Variants in CAST observed in about 807,000 individuals in gnomAD.
The protein encoded by CAST is calpastatin.
In CAST, 76 loss-of-function variants were observed where a neutral mutation model predicts 119.6. That is an observed-to-expected ratio of 0.64 (90% CI 0.53 to 0.77). The LOEUF (loss-of-function observed/expected upper bound fraction) is 0.77. Ranked by LOEUF, CAST falls within the 30% of genes least tolerant of loss-of-function variation. The pLI, the probability that CAST is intolerant of heterozygous loss-of-function variation, is 0.00. For synonymous variants in CAST, 319 were observed against 331.6 expected, an observed-to-expected ratio of 0.96 and a Z score of 0.41; for missense variants, 953 against 946.5, an observed-to-expected ratio of 1.01 and a Z score of -0.09.
At chr5:96,517,832 C>A in the CAST span, among the ~76,000 whole-genome samples, 1 of 152,202 alleles carries the variant, frequency 6.6e-6, no homozygotes, top group Admixed American at 6.5e-5. Flanking sequence ...AGTTCTATAG[C>A]GTTGTGATAC....
At chr5:96,102,688 G>C in the CAST span, among the ~76,000 whole-genome samples, 1 of 147,822 alleles carries the variant, frequency 6.8e-6, no homozygotes, top group Non-Finnish European at 1.5e-5. Flanking sequence ...AACCAGCATT[G>C]TTTATGACTA....
chr5:96,093,716 A>G, the CAST span, among the ~76,000 whole-genome samples: 1 of 152,222 alleles, frequency 6.6e-6, no homozygotes. Flanking sequence ...TATGAGGCCC[A>G]TGGGTATCTA....
At chr5:96,308,221 G>A in the CAST span, among the ~76,000 whole-genome samples, 1 of 151,262 alleles carries the variant, frequency 6.6e-6, no homozygotes, top group African/African-American at 2.4e-5. Flanking sequence ...ATCTCTGATA[G>A]CCTTTCTTCT....
chr5:96,152,134 G>C, the CAST span, among the ~76,000 whole-genome samples: 5 of 152,170 alleles, frequency 3.3e-5, no homozygotes, highest in African/African-American at 1.2e-4. Context: ...CTTGTTGGAA[G>C]CATGCCATGC....
chr5:96,508,297 C>T, the CAST span, among the ~76,000 whole-genome samples: 1 of 152,168 alleles, frequency 6.6e-6, no homozygotes, highest in East Asian at 1.9e-4. Context: ...AGGCAACGTC[C>T]TTGTTTCCCT....
chr5:96,465,097 A>G, the CAST span, among the ~76,000 whole-genome samples: 2 of 152,056 alleles, frequency 1.3e-5, no homozygotes, highest in Non-Finnish European at 2.9e-5. Flanking sequence ...AAATTTGTAT[A>G]ATCATCTCTG....
the CAST span, among the ~76,000 whole-genome samples, chr5:96,505,555 T>A: frequency 6.6e-6 from 1 of 152,226 alleles, no homozygotes; most frequent in Non-Finnish European, 1.5e-5. Flanking sequence ...GCTGAATCTT[T>A]AGCCCATAGA....
the CAST span, among the ~76,000 whole-genome samples, chr5:96,017,192 T>C: frequency 1.3e-5 from 2 of 152,120 alleles, no homozygotes; most frequent in African/African-American, 4.8e-5. Flanking sequence ...CTGACAAATA[T>C]TGACAAGTAA....
chr5:96,166,186 C>G, the CAST span, among the ~76,000 whole-genome samples: 2 of 152,122 alleles, frequency 1.3e-5, no homozygotes, highest in Non-Finnish European at 2.9e-5. Context: ...TGTGAATAAA[C>G]TCAAGAGCAC....
the CAST span, among the ~76,000 whole-genome samples, chr5:96,152,492 A>G: frequency 6.6e-6 from 1 of 152,328 alleles, no homozygotes; most frequent in African/African-American, 2.4e-5. Flanking sequence ...TAGGAGAGGA[A>G]GACTGACTGA....
At chr5:96,141,928 T>G in the CAST span, among the ~76,000 whole-genome samples, 6 of 152,238 alleles carry the variant, frequency 3.9e-5, no homozygotes, top group South Asian at 2.1e-4. Flanking sequence ...AAGTTTTTTC[T>G]TTTTGAGTGT....
intron 3 of CAST, chr5:96,702,641 C>A: frequency 5.1e-6 from 2 of 394,006 alleles, no homozygotes; most frequent in Non-Finnish European, 6.9e-6. Context: ...GCATCACAGG[C>A]TGCGTTATTG....
the CAST span, chr5:96,393,295 A>C: frequency 6.2e-7 from 1 of 1,613,980 alleles, no homozygotes; most frequent in Non-Finnish European, 8.5e-7. Context: ...CCTCCAACTC[A>C]TCCCTCCGGC....
chr5:96,741,680 A>T (rs1484540773), intron 15 of CAST, 100 bp downstream of exon 15: 1 of 756,040 alleles, frequency 1.3e-6, no homozygotes. Flanking sequence ...AGAAGCCATG[A>T]TTTTTTCCCT....
At chr5:96,740,821 G>C (rs934028070) in intron 13 of CAST, 38 bp downstream of exon 13, 13 of 1,423,568 alleles carry the variant, frequency 9.1e-6, no homozygotes, top group Non-Finnish European at 1.3e-5. Context: ...TAAATTAATA[G>C]TTTTATATTT....
chr5:96,202,734 G>C, the CAST span, among the ~76,000 whole-genome samples: 13 of 151,994 alleles, frequency 8.6e-5, no homozygotes, highest in Non-Finnish European at 1.5e-4. Flanking sequence ...TACTCATTCA[G>C]CTGCTAAATC....
chr5:96,612,858 C>T (rs1747387926), intron 1 of CAST, among the ~76,000 whole-genome samples: 1 of 152,092 alleles, frequency 6.6e-6, no homozygotes, highest in Non-Finnish European at 1.5e-5. Flanking sequence ...AATAAATATA[C>T]ACACATATAT....
intron 29 of CAST, 92 bp downstream of exon 29, chr5:96,768,091 C>T (rs1205718307): frequency 2.2e-5 from 19 of 872,690 alleles, no homozygotes; most frequent in East Asian, 7.8e-5. Context: ...ATCTATCTAT[C>T]GGTCTGTCTT....
chr5:96,671,741 TC>T (rs1750105202), intron 1 of CAST, among the ~76,000 whole-genome samples: 1 of 152,234 alleles, frequency 6.6e-6, no homozygotes. Context: ...CCTTCCCTGT[TC>T]CCTGCTCATC....
Sources: allele counts gnomAD v4.1 joint callset (sites outside exome capture counted in the v4.1 genomes callset), GRCh38; gene constraint gnomAD v4.1.1; transcripts MANE v1.5; gene names NCBI Gene and HGNC (gene_info 2026-07-23, HGNC 2026-07-21).